FHAD1: variants seen among roughly 807,000 people sequenced by gnomAD.
FHAD1 encodes forkhead-associated domain-containing protein 1.
A neutral mutation model predicts 191.3 loss-of-function variants in FHAD1; 146 were observed. The observed-to-expected ratio is 0.76, with a 90% CI of 0.67 to 0.88. The LOEUF is 0.88. Among genes scored for constraint, FHAD1 ranks in the 40% least tolerant of loss-of-function variants. The pLI, the probability that FHAD1 is intolerant of heterozygous loss-of-function variation, is 0.00. For synonymous variants in FHAD1, 616 were observed against 672.3 expected (o/e 0.92, Z 1.29); for missense variants, 1,635 against 1,785.8 (o/e 0.92, Z 1.52).
chr1:15,289,009 G>A lies in FHAD1; in HGVS notation c.301-390G>A, dbSNP rs1454368199. Among the ~76,000 whole-genome samples, 1 of 152,162 alleles carries A rather than the reference G, an allele frequency of 6.6e-6. No individual in the cohort carries two copies. Among genetic ancestry groups the A allele is most frequent in the African/African-American group, 2.4e-5 (1 of 41,426 alleles). On this transcript the variant is annotated intron_variant, in intron 3 of 33. Transcript: ENST00000688493. The surrounding 1 kb of genome is among the most constrained non-coding windows in gnomAD (Gnocchi z 4.2). ...TTTTTGTTTGTTTATTTTTGAGACA[G>A]AGTCTCATTCTGTCGCCCAGGATGG... is the stretch of plus-strand genomic sequence containing the variant.
In FHAD1 at chr1:15,345,133, A is replaced by G. The variant is rs1235108566; in HGVS notation, c.2181A>G (p.Leu727=). 2.6e-6 allele frequency: 4 copies of G among 1,551,818 alleles called. No individual in the cohort carries two copies. The highest frequency in any genetic ancestry group is 4.9e-5 in the East Asian group (2 of 40,920). The change falls in exon 17 of 34, where the codon TTA becomes TTG. Residue 727 remains leucine (L), a synonymous_variant. Coordinates refer to ENST00000688493, the MANE Select transcript of FHAD1 (RefSeq NM_001391957.1). ...TQERNRAKET[L]EEERKRMQEL... is the part of the protein sequence containing the mutation. ...AGAGAAACAGAGCGAAAGAGACTTT[A>G]GAGGAAGAACGGAAGAGAATGCAAG...
intron 14 of FHAD1, among the ~76,000 whole-genome samples, chr1:15,333,174 C>T (rs1682431928): frequency 6.6e-6 from 1 of 152,184 alleles, no homozygotes; most frequent in African/African-American, 2.4e-5. Flanking sequence ...TGGTAAAAGG[C>T]ATTTTCTCTT....
rs530408550 is a variant in FHAD1 at position 15,311,228 on chromosome 1, G to C, written c.1040-1829G>C. Among the ~76,000 whole-genome samples, 2 of 152,248 alleles carry C rather than the reference G, an allele frequency of 1.3e-5. No individual in the cohort carries two copies. The highest frequency in any genetic ancestry group is 4.1e-4 in the South Asian group (2 of 4,822). On this transcript the variant is annotated intron_variant, in intron 7 of 33. Transcript: ENST00000688493. The surrounding 1 kb of genome is among the most constrained non-coding windows in gnomAD (Gnocchi z 4.1). ...GCACAGCTTGAGTTTGCTGGGTGGC[G>C]TGCCAGGCGGGAGGGGGCTGCACGG... is the stretch of plus-strand genomic sequence containing the variant.
intron 11 of FHAD1, chr1:15,326,811 G>C (rs980090368): frequency 4.4e-6 from 2 of 455,546 alleles, no homozygotes; most frequent in Non-Finnish European, 4.0e-6. Flanking sequence ...AGACATGTGT[G>C]TGCACTGACC....
chr1:15,373,496 A>G (rs965378407), intron 26 of FHAD1, among the ~76,000 whole-genome samples: 1 of 148,624 alleles, frequency 6.7e-6, no homozygotes, highest in Non-Finnish European at 1.5e-5. Flanking sequence ...TGGGCGACAG[A>G]GCAAGACTCC....
At chr1:15,335,869 TC>T (rs1683835672) in intron 14 of FHAD1, among the ~76,000 whole-genome samples, 1 of 152,122 alleles carries the variant, frequency 6.6e-6, no homozygotes, top group Non-Finnish European at 1.5e-5. Flanking sequence ...CAGCTACCTC[TC>T]CCCTTAGTCC....
intron 1 of FHAD1, among the ~76,000 whole-genome samples, chr1:15,240,556 G>C (rs1645226255): frequency 6.6e-6 from 1 of 151,050 alleles, no homozygotes; most frequent in Admixed American, 6.6e-5. Context: ...ACTTGAGCCT[G>C]GGAAATCAAG....
intron 23 of FHAD1, 87 bp downstream of exon 23, chr1:15,362,813 C>T (rs1695236791): frequency 9.7e-7 from 1 of 1,026,020 alleles, no homozygotes; most frequent in Non-Finnish European, 1.5e-6. Flanking sequence ...CCTACCTGGG[C>T]CACATTGTCA....
chr1:15,360,152 G>A (rs1018865547), intron 21 of FHAD1, among the ~76,000 whole-genome samples: 1 of 152,184 alleles, frequency 6.6e-6, no homozygotes, highest in Non-Finnish European at 1.5e-5. Flanking sequence ...TACATTTCTA[G>A]CGGGGAAGAG....
intron 23 of FHAD1, 92 bp from the exon 24 acceptor site, chr1:15,365,735 T>G: frequency 1.4e-6 from 1 of 738,322 alleles, no homozygotes; most frequent in Non-Finnish European, 2.3e-6. Context: ...TGATTGAGAA[T>G]CTCTTTGCAT....
intron 18 of FHAD1, among the ~76,000 whole-genome samples, chr1:15,348,649 C>CT (rs1345458510): frequency 6.6e-6 from 1 of 152,156 alleles, no homozygotes; most frequent in African/African-American, 2.4e-5. Context: ...TAATGAGACT[C>CT]TTCTTTTGAT....
chr1:15,270,931 A>C (rs1404688900), intron 2 of FHAD1, among the ~76,000 whole-genome samples: 2 of 152,124 alleles, frequency 1.3e-5, no homozygotes, highest in East Asian at 3.9e-4. Flanking sequence ...CGAGGTCAGG[A>C]GATGGAGACC....
intron 5 of FHAD1, 46 bp downstream of exon 5, chr1:15,296,839 A>G (rs1398655788): frequency 4.6e-5 from 67 of 1,451,844 alleles, no homozygotes; most frequent in Non-Finnish European, 5.9e-5. Flanking sequence ...CAGCAAGCGC[A>G]CTGCAAAGGG....
In FHAD1 at chr1:15,276,732, G is replaced by A. The variant is rs577992998; in HGVS notation, c.300+4203G>A. On this transcript the variant is annotated intron_variant, in intron 3 of 33. Transcript: ENST00000688493. This position sits in a 1 kb window ranked among gnomAD's most constrained non-coding sequence, Gnocchi z 4.7. ...CACAAGAATTGCTTGAACCCGGGAGGCAGAGGTTGCAATGAGCGAAGATCA... is the reference window on the plus strand; with the variant it reads ...CACAAGAATTGCTTGAACCCGGGAGACAGAGGTTGCAATGAGCGAAGATCA... Among the ~76,000 whole-genome samples, 3 of 152,090 alleles carry A rather than the reference G, an allele frequency of 2.0e-5. No individual in the cohort carries two copies. Among genetic ancestry groups the A allele is most frequent in the Non-Finnish European group, 4.4e-5 (3 of 67,988 alleles).
intron 26 of FHAD1, among the ~76,000 whole-genome samples, 180 bp from the exon 27 acceptor site, chr1:15,374,322 A>C (rs1698957175): frequency 6.6e-6 from 1 of 152,234 alleles, no homozygotes; most frequent in Non-Finnish European, 1.5e-5. Context: ...GTCTTCCTAC[A>C]TGTGACCCGA....
chr1:15,386,552 A>G (rs1457285665), intron 31 of FHAD1, among the ~76,000 whole-genome samples: 1 of 152,190 alleles, frequency 6.6e-6, no homozygotes, highest in Non-Finnish European at 1.5e-5. Flanking sequence ...GAGTGTGAGA[A>G]CCACTGAAAT....
chr1:15,240,281 C>A (rs2100517256), intron 1 of FHAD1, among the ~76,000 whole-genome samples: 1 of 152,254 alleles, frequency 6.6e-6, no homozygotes, highest in South Asian at 2.1e-4. Flanking sequence ...GGAGCTGAGG[C>A]TCTCTTTCTG....
At chr1:15,295,993 T>C (rs1446971304) in intron 4 of FHAD1, among the ~76,000 whole-genome samples, 1 of 152,232 alleles carries the variant, frequency 6.6e-6, no homozygotes, top group Non-Finnish European at 1.5e-5. Context: ...TAGCCCTTTA[T>C]GATAGAGACT....
At chr1:15,267,651 T>C (rs1240037003) in intron 2 of FHAD1, among the ~76,000 whole-genome samples, 2 of 151,898 alleles carry the variant, frequency 1.3e-5, no homozygotes, top group African/African-American at 4.8e-5. Flanking sequence ...GCCCAGATCA[T>C]CTATTCCTCC....
Sources: allele counts gnomAD v4.1 joint callset (sites outside exome capture counted in the v4.1 genomes callset), GRCh38; gene constraint gnomAD v4.1.1; non-coding constraint Gnocchi (gnomAD v3.1); transcripts MANE v1.5; gene names NCBI Gene and HGNC (gene_info 2026-07-23, HGNC 2026-07-21).